SPAG17: variants seen among roughly 807,000 people sequenced by gnomAD.
SPAG17 encodes sperm-associated antigen 17.
Under a neutral mutation model 273.6 loss-of-function variants are expected in SPAG17, and 169 were observed. That is an observed-to-expected ratio of 0.62 (90% confidence interval 0.55 to 0.70). The LOEUF (loss-of-function observed/expected upper bound fraction) is 0.70, where lower values mean the gene tolerates loss of function less well. Ranked by LOEUF, SPAG17 falls within the 30% of genes least tolerant of loss-of-function variation. The pLI is 0.00. For missense variants in SPAG17, 2,557 were observed against 2,627.8 expected (o/e 0.97, Z 0.59); for synonymous variants, 825 against 873.2 (o/e 0.94, Z 0.97).
intron 12 of SPAG17, 84 bp from the exon 13 acceptor site, chr1:118,086,156 C>G: frequency 1.6e-6 from 2 of 1,218,720 alleles, no homozygotes; most frequent in Admixed American, 2.5e-5. Context: ...AAACATGATA[C>G]CTTCACCCTC....
At chr1:118,096,534 C>T (rs567191481) in intron 7 of SPAG17, among the ~76,000 whole-genome samples, 9 of 152,156 alleles carry the variant, frequency 5.9e-5, no homozygotes, top group Non-Finnish European at 8.8e-5. Flanking sequence ...TTCAACACTC[C>T]GAGGCCCCTG....
At chr1:118,173,511 C>T (rs915182586) in intron 1 of SPAG17, among the ~76,000 whole-genome samples, 4 of 152,040 alleles carry the variant, frequency 2.6e-5, no homozygotes, top group African/African-American at 9.7e-5. Context: ...CTTTTCGGTA[C>T]ATGAAAGCTT....
At chr1:117,954,451 C>G (rs1002218194) in intron 48 of SPAG17, 3 of 834,030 alleles carry the variant, frequency 3.6e-6, no homozygotes, top group Non-Finnish European at 3.7e-6. Context: ...TTCTTTTACA[C>G]TCTGTCAGTT....
intron 1 of SPAG17, among the ~76,000 whole-genome samples, chr1:118,184,679 C>T (rs1661101193): frequency 6.6e-6 from 1 of 152,126 alleles, no homozygotes; most frequent in South Asian, 2.1e-4. Flanking sequence ...CTATTATGGG[C>T]CAGGCCACAG....
rs1418424463 is a variant in SPAG17 at position 117,988,187 on chromosome 1, C to T, written c.5539G>A (p.Asp1847Asn). ...GTAGCCAAAGACTGCTTGAATAAATCAGTTAGGTGAGCTGCAACTTTAAAC... is the reference window on the plus strand; with the variant it reads ...GTAGCCAAAGACTGCTTGAATAAATTAGTTAGGTGAGCTGCAACTTTAAAC... Reference protein sequence around the residue: ...HVTEVAAHLTDLFKQSLATPP... With the variant: ...HVTEVAAHLTNLFKQSLATPP... The change falls in exon 39 of 49, where the codon GAT (aspartate) becomes AAT (asparagine). Residue 1847 changes from aspartate to asparagine, a missense_variant. Coordinates refer to ENST00000336338, the MANE Select transcript of SPAG17 (RefSeq NM_206996.4). 1 of 1,598,108 alleles carries T rather than the reference C, an allele frequency of 6.3e-7. No individual in the cohort carries two copies. Among genetic ancestry groups the T allele is most frequent in the East Asian group, 2.2e-5 (1 of 44,718 alleles).
intron 25 of SPAG17, 109 bp downstream of exon 25, chr1:118,031,583 C>A: frequency 8.6e-7 from 1 of 1,162,062 alleles, no homozygotes. Flanking sequence ...TGTATCTGCA[C>A]AATAAAACGT....
intron 45 of SPAG17, among the ~76,000 whole-genome samples, chr1:117,971,317 T>C (rs1571100996): frequency 6.6e-6 from 1 of 152,204 alleles, no homozygotes; most frequent in South Asian, 2.1e-4. Flanking sequence ...GCAAAGTATA[T>C]GGTGGGACTC....
chr1:117,989,509 T>C (rs1194480873), intron 38 of SPAG17, among the ~76,000 whole-genome samples: 1 of 151,610 alleles, frequency 6.6e-6, no homozygotes, highest in Non-Finnish European at 1.5e-5. Flanking sequence ...TCATGAGGGA[T>C]CCACCCCCAT....
intron 1 of SPAG17, among the ~76,000 whole-genome samples, chr1:118,179,076 G>A (rs968515412): frequency 6.6e-6 from 1 of 151,668 alleles, no homozygotes; most frequent in African/African-American, 2.4e-5. Flanking sequence ...ACTAATGACG[G>A]TCTTCACAGA....
intron 46 of SPAG17, among the ~76,000 whole-genome samples, chr1:117,967,777 A>G (rs532930441): frequency 2.0e-5 from 3 of 152,368 alleles, no homozygotes; most frequent in African/African-American, 7.2e-5. Flanking sequence ...AACACTAGCC[A>G]GCAAAGAGAG....
Position 117,981,273 on chromosome 1 carries a change from C to T in SPAG17, c.6001G>A (p.Glu2001Lys). 4 of 1,565,594 alleles carry T rather than the reference C, an allele frequency of 2.6e-6. No homozygotes were observed. Among genetic ancestry groups the T allele is most frequent in the Non-Finnish European group, 3.4e-6 (4 of 1,166,208 alleles). The change falls in exon 43 of 49, where the codon GAA becomes AAA. Residue 2001 changes from glutamate (E) to lysine (K), a missense_variant. Glu to Lys is a moderately conservative substitution (Grantham distance 56, BLOSUM62 1). Transcript: ENST00000336338. Reference sequence around the variant, plus strand: ...AAGATAAAAAAGACTGCCATACCTTCAGGAGATTTTGTTAAATTTTCAGTT... The same window carrying T: ...AAGATAAAAAAGACTGCCATACCTTTAGGAGATTTTGTTAAATTTTCAGTT... Reference protein sequence around the residue: ...NQTENLTKSPEEAESYEPVKI... With the variant: ...NQTENLTKSPKEAESYEPVKI...
intron 12 of SPAG17, among the ~76,000 whole-genome samples, chr1:118,086,441 A>C (rs1456867672): frequency 6.6e-6 from 1 of 152,178 alleles, no homozygotes. Context: ...GGTAACAATT[A>C]ATTGAATTGT....
At chr1:117,984,136 C>T (rs888971623) in intron 41 of SPAG17, among the ~76,000 whole-genome samples, 14 of 152,120 alleles carry the variant, frequency 9.2e-5, no homozygotes, top group Non-Finnish European at 5.9e-5. Flanking sequence ...AAATGCAGGG[C>T]GTTCTGAACA....
chr1:118,165,620 T>G (rs1334593822), intron 1 of SPAG17, among the ~76,000 whole-genome samples: 1 of 148,368 alleles, frequency 6.7e-6, no homozygotes, highest in Middle Eastern at 3.5e-3. Flanking sequence ...TAACAACAAG[T>G]GTAAATTAAA....
At chr1:117,979,489 T>C (rs183514969) in intron 43 of SPAG17, among the ~76,000 whole-genome samples, 3 of 152,304 alleles carry the variant, frequency 2.0e-5, no homozygotes, top group African/African-American at 7.2e-5. Flanking sequence ...TCAGCAACTC[T>C]CGCATGTGCC....
intron 7 of SPAG17, among the ~76,000 whole-genome samples, chr1:118,094,917 G>C (rs1329546675): frequency 6.6e-6 from 1 of 152,168 alleles, no homozygotes; most frequent in African/African-American, 2.4e-5. Flanking sequence ...TTGACTAATA[G>C]ATCAGTCTGG....
At chr1:118,151,515 T>A (rs894884709) in intron 1 of SPAG17, 146 bp from the exon 2 acceptor site, 3 of 815,248 alleles carry the variant, frequency 3.7e-6, no homozygotes, top group Non-Finnish European at 3.4e-6. Flanking sequence ...GGTTTTCTGA[T>A]TGAAGTAGCC....
chr1:118,094,670 A>G (rs1267830057), intron 7 of SPAG17, among the ~76,000 whole-genome samples: 3 of 152,216 alleles, frequency 2.0e-5, no homozygotes, highest in Non-Finnish European at 4.4e-5. Flanking sequence ...TGCTTATTAA[A>G]TGATCTTGTT....
intron 21 of SPAG17, 46 bp downstream of exon 21, chr1:118,041,757 T>A: frequency 6.4e-7 from 1 of 1,573,272 alleles, no homozygotes; most frequent in East Asian, 2.2e-5. Context: ...CCCAAAACAA[T>A]TAGGAATAGC....
Sources: gnomAD v4.1 joint callset for allele counts (sites outside exome capture counted in the v4.1 genomes callset) on GRCh38, gnomAD v4.1.1 for gene constraint, MANE v1.5 for transcripts, NCBI Gene and HGNC (gene_info 2026-07-23, HGNC 2026-07-21) for gene names.